SLC36A1: variants seen among roughly 807,000 people sequenced by gnomAD.
SLC36A1 encodes solute carrier family 36 member 1, also known as proton-coupled amino acid transporter 1.
SLC36A1 carries 30 observed loss-of-function variants against 47.5 expected under a neutral mutation model. The observed-to-expected ratio is 0.63, with a 90% CI of 0.47 to 0.86. The LOEUF (loss-of-function observed/expected upper bound fraction) is 0.86, where lower values mean the gene tolerates loss of function less well. SLC36A1 is among the 40% of genes least tolerant of loss of function. SLC36A1 has a pLI of 0.00. For synonymous variants in SLC36A1, 255 were observed against 249.7 expected (o/e 1.02, Z -0.20); for missense variants, 517 against 606.0 (o/e 0.85, Z 1.54).
chr5:151,507,732 C>A, the SLC36A1 span: 7 of 903,294 alleles, frequency 7.7e-6, no homozygotes, highest in South Asian at 3.6e-5. Flanking sequence ...CGTTTTTCAC[C>A]CCCCAAAAAA....
At chr5:151,434,735 T>C (rs1376015987), upstream of SLC36A1, among the ~76,000 whole-genome samples, 4 of 152,248 alleles carry the variant, frequency 2.6e-5, no homozygotes, top group East Asian at 7.7e-4. Context: ...ATAAGAGACA[T>C]GAGAGAGTTT....
chr5:151,379,476 G>C, the SLC36A1 span, among the ~76,000 whole-genome samples: 1 of 152,202 alleles, frequency 6.6e-6, no homozygotes, highest in Non-Finnish European at 1.5e-5. Flanking sequence ...TGGGATTACA[G>C]GCATGCGCCA....
At chr5:151,462,258 A>G (rs1047815062) in intron 2 of SLC36A1, among the ~76,000 whole-genome samples, 1 of 152,198 alleles carries the variant, frequency 6.6e-6, no homozygotes, top group East Asian at 1.9e-4. Context: ...TTAATATACA[A>G]TGAAGATGTT....
chr5:151,360,497 G>T, the SLC36A1 span, among the ~76,000 whole-genome samples: 1 of 152,160 alleles, frequency 6.6e-6, no homozygotes, highest in African/African-American at 2.4e-5. Context: ...GGAGGAAAAG[G>T]AGGGTTAATG....
chr5:151,386,766 A>G, the SLC36A1 span, among the ~76,000 whole-genome samples: 3 of 152,212 alleles, frequency 2.0e-5, no homozygotes, highest in Admixed American at 2.0e-4. Context: ...CTTCAGTCTC[A>G]GGCTCTGCCC....
the SLC36A1 span, among the ~76,000 whole-genome samples, chr5:151,523,157 C>T: frequency 6.6e-6 from 1 of 151,958 alleles, no homozygotes. Flanking sequence ...GATAAGATTA[C>T]ACCTACTGCT....
chr5:151,421,580 C>CTT, the SLC36A1 span, among the ~76,000 whole-genome samples: 884 of 134,968 alleles, frequency 6.5e-3, 11 homozygotes, highest in East Asian at 0.025. Flanking sequence ...TTCTTTCTTT[C>CTT]TTTTTTTTTT....
At chr5:151,375,109 G>C in the SLC36A1 span, among the ~76,000 whole-genome samples, 1 of 151,974 alleles carries the variant, frequency 6.6e-6, no homozygotes, top group African/African-American at 2.4e-5. Context: ...GTACTTTTGA[G>C]GTCTTAGTCA....
chr5:151,471,452 T>A (rs1757301928), intron 7 of SLC36A1, among the ~76,000 whole-genome samples: 1 of 152,220 alleles, frequency 6.6e-6, no homozygotes, highest in East Asian at 1.9e-4. Flanking sequence ...ATTGTGAAAT[T>A]CCCAGTCTGA....
the SLC36A1 span, chr5:151,381,107 A>G: frequency 2.0e-6 from 1 of 499,208 alleles, no homozygotes; most frequent in South Asian, 1.8e-5. Flanking sequence ...CACCTCTGCC[A>G]TCCTCCAGGA....
the SLC36A1 span, chr5:151,521,276 C>T: frequency 6.2e-7 from 1 of 1,602,966 alleles, no homozygotes; most frequent in Non-Finnish European, 8.5e-7. Flanking sequence ...TAGTACTTAC[C>T]ATTGCAGGAG....
At chr5:151,423,896 A>G in the SLC36A1 span, among the ~76,000 whole-genome samples, 1 of 152,110 alleles carries the variant, frequency 6.6e-6, no homozygotes, top group African/African-American at 2.4e-5. Flanking sequence ...GGGAGAGGGT[A>G]TATGGGAAAT....
rs1214176868 is a variant in SLC36A1 at position 151,468,251 on chromosome 5, C to CAAAAAAAAAAAAAAAAAA, written c.723+342_723+343insAAAAAAAAAAAAAAAAAA. ...TGGGCAACAGAGCAAGACTCTGTCT[C>CAAAAAAAAAAAAAAAAAA]AAAAAAAAAAAAAAAATATATATAT... On this transcript the variant is annotated intron_variant, in intron 7 of 10. Transcript: ENST00000243389. 2.6e-4 allele frequency among the ~76,000 whole-genome samples: 8 copies of CAAAAAAAAAAAAAAAAAA among 31,280 alleles called. 1 individual carries two copies. Among genetic ancestry groups the CAAAAAAAAAAAAAAAAAA allele is most frequent in the Non-Finnish European group, 4.3e-4 (8 of 18,650 alleles). 20.5% of individuals were successfully genotyped at this position (31,280 alleles called of 152,430 possible).
At chr5:151,358,013 G>A in the SLC36A1 span, among the ~76,000 whole-genome samples, 1 of 152,320 alleles carries the variant, frequency 6.6e-6, no homozygotes. Context: ...GACATAAAAT[G>A]GAAGTGAAGG....
chr5:151,345,902 C>G, the SLC36A1 span, among the ~76,000 whole-genome samples: 1 of 152,248 alleles, frequency 6.6e-6, no homozygotes, highest in East Asian at 1.9e-4. Context: ...TATTTATGCT[C>G]AAATCTCCCA....
At chr5:151,495,940 A>T (rs1760325874), downstream of SLC36A1, among the ~76,000 whole-genome samples, 1 of 152,076 alleles carries the variant, frequency 6.6e-6, no homozygotes, top group Non-Finnish European at 1.5e-5. Flanking sequence ...CAGTTTCCGG[A>T]TTTAGTTATT....
At chr5:151,358,455 A>T in the SLC36A1 span, among the ~76,000 whole-genome samples, 2 of 151,924 alleles carry the variant, frequency 1.3e-5, no homozygotes, top group Non-Finnish European at 2.9e-5. Flanking sequence ...TAGAGATGGG[A>T]TCTTGCTATG....
chr5:151,471,501 T>A (rs1757307020), intron 7 of SLC36A1, among the ~76,000 whole-genome samples: 1 of 151,816 alleles, frequency 6.6e-6, no homozygotes, highest in Non-Finnish European at 1.5e-5. Flanking sequence ...AGAGCAGGAG[T>A]CATTCACTAA....
chr5:151,461,175 G>C (rs373820573), intron 2 of SLC36A1, among the ~76,000 whole-genome samples: 8 of 142,334 alleles, frequency 5.6e-5, no homozygotes, highest in African/African-American at 2.1e-4. Flanking sequence ...TTTTTTTGTA[G>C]AGATAGGGTT....
Sources: allele counts gnomAD v4.1 joint callset (sites outside exome capture counted in the v4.1 genomes callset), GRCh38; gene constraint gnomAD v4.1.1; transcripts MANE v1.5; gene names NCBI Gene and HGNC (gene_info 2026-07-23, HGNC 2026-07-21).